Variants in CRIM1 observed in about 807,000 individuals in gnomAD.
CRIM1 encodes the protein cysteine rich transmembrane BMP regulator 1.
Under a neutral mutation model 116.4 loss-of-function variants are expected in CRIM1, and 32 were observed. That is an observed-to-expected ratio of 0.27 (90% CI 0.21 to 0.37). The LOEUF (loss-of-function observed/expected upper bound fraction) is 0.37. Among genes scored for constraint, CRIM1 ranks in the 10% least tolerant of loss-of-function variants. CRIM1 has a pLI of 1.00. For synonymous variants in CRIM1, 590 were observed against 509.2 expected (o/e 1.16, Z -2.13); for missense variants, 1,331 against 1,354.8 (o/e 0.98, Z 0.28).
At chr2:36,479,762 C>T (rs893097985) in intron 7 of CRIM1, 68 bp downstream of exon 7, 42 of 1,475,070 alleles carry the variant, frequency 2.8e-5, no homozygotes, top group Admixed American at 5.1e-5. Flanking sequence ...TACCAGCGTA[C>T]GTTCTTGTTT....
Position 36,441,566 on chromosome 2 carries a change from G to A in CRIM1, c.748+66G>A. 1.9e-6 allele frequency: 3 copies of A among 1,560,662 alleles called. No individual in the cohort carries two copies. The Admixed American group carries it at 5.2e-5, about 27-fold the overall frequency. On this transcript the variant is annotated intron_variant, in intron 3 of 16. Transcript: ENST00000280527. ...TCAGAGGGTAGCAGATCCCTCCTCA[G>A]CCACCCCTGGCCTCTCCTTTCACAC...
intron 1 of CRIM1, among the ~76,000 whole-genome samples, chr2:36,365,475 G>A (rs1046044054): frequency 3.9e-5 from 6 of 152,146 alleles, no homozygotes; most frequent in African/African-American, 1.4e-4. Context: ...GACCACTGCG[G>A]GCTTGGGAAT....
rs148456499 is a variant in CRIM1 at position 36,516,462 on chromosome 2, C to T, written c.1991-865C>T. 4.6e-3 allele frequency among the ~76,000 whole-genome samples: 704 copies of T among 152,332 alleles called. 8 individuals are homozygous for T. The highest frequency in any genetic ancestry group is 0.016 in the African/African-American group (678 of 41,580). On this transcript the variant is annotated intron_variant, in intron 11 of 16. Transcript: ENST00000280527. ...TTCAGGGCAACTCCCAGCCCCTCTT[C>T]AGACATTTTCAACATTAAATTCCCT...
At chr2:36,443,208 C>A (rs1434949152) in intron 4 of CRIM1, among the ~76,000 whole-genome samples, 1 of 152,162 alleles carries the variant, frequency 6.6e-6, no homozygotes, top group Non-Finnish European at 1.5e-5. Flanking sequence ...TTAATTCTTA[C>A]AATGCTTTCT....
intron 2 of CRIM1, among the ~76,000 whole-genome samples, chr2:36,401,755 C>T (rs1221919274): frequency 6.6e-6 from 1 of 152,184 alleles, no homozygotes; most frequent in Non-Finnish European, 1.5e-5. Context: ...AAGAATTAAT[C>T]AGAAATGTGA....
intron 12 of CRIM1, among the ~76,000 whole-genome samples, chr2:36,521,484 A>C (rs953785307): frequency 6.6e-6 from 1 of 152,176 alleles, no homozygotes; most frequent in Non-Finnish European, 1.5e-5. Flanking sequence ...ATAGAGGTCT[A>C]TTTTACATAT....
At chr2:36,505,851 A>G (rs1454446385) in intron 8 of CRIM1, among the ~76,000 whole-genome samples, 1 of 152,158 alleles carries the variant, frequency 6.6e-6, no homozygotes, top group Admixed American at 6.6e-5. Flanking sequence ...CAAACATTGT[A>G]AGGAGCACCT....
At chr2:36,526,857 T>C (rs145498727) in intron 13 of CRIM1, among the ~76,000 whole-genome samples, 155 of 152,346 alleles carry the variant, frequency 1.0e-3, no homozygotes, top group Admixed American at 2.6e-3. Flanking sequence ...TGCTGCATCA[T>C]ACCTGTTGAC....
rs371385044 is a variant in CRIM1 at position 36,476,707 on chromosome 2, T to C, written c.992-182T>C. 2.6e-5 allele frequency among the ~76,000 whole-genome samples: 4 copies of C among 152,362 alleles called. No individual in the cohort carries two copies. In the East Asian group the frequency reaches 5.8e-4, roughly 22 times the overall value. ...GTGTAAACTGGATAACAGTGTGTTTTATTTTATTTTGTTTTGCTTCACTTT... is the reference window on the plus strand; with the variant it reads ...GTGTAAACTGGATAACAGTGTGTTTCATTTTATTTTGTTTTGCTTCACTTT... On this transcript the variant is annotated intron_variant, in intron 5 of 16. Coordinates refer to ENST00000280527, the MANE Select transcript of CRIM1 (RefSeq NM_016441.3).
In CRIM1 at chr2:36,547,108, C is replaced by T. The variant is rs1254946580; in HGVS notation, c.2871C>T (p.Phe957=). The T allele has an allele frequency of 2.5e-6, 4 of 1,612,780 alleles. No individual in the cohort carries two copies. The highest frequency in any genetic ancestry group is 1.7e-4 in the Middle Eastern group (1 of 6,048). The part of the protein sequence containing the change: ...IIICLSIIIA[F]LFINQKKQWI... The stretch of plus-strand genomic sequence containing the variant: ...TATGCCTCTCTATTATAATAGCATT[C>T]CTATTCATCAATCAGAAGAAACAGT... Residue 957 remains phenylalanine (F), a synonymous_variant, in exon 16 of 17, where the codon TTC becomes TTT. Coordinates refer to ENST00000280527, the MANE Select transcript of CRIM1 (RefSeq NM_016441.3).
intron 4 of CRIM1, among the ~76,000 whole-genome samples, chr2:36,453,952 C>G (rs1676931121): frequency 6.6e-6 from 1 of 152,172 alleles, no homozygotes; most frequent in Non-Finnish European, 1.5e-5. Context: ...TAACACTAAT[C>G]CCACCTACCT....
In CRIM1 at chr2:36,428,842, A is replaced by G. The variant is rs148974116; in HGVS notation, c.506-12416A>G. Among the ~76,000 whole-genome samples, 1,144 of 152,308 alleles carry G rather than the reference A, an allele frequency of 7.5e-3. 6 individuals carry two copies. Among genetic ancestry groups the G allele is most frequent in the Non-Finnish European group, 7.2e-3 (489 of 68,016 alleles). On this transcript the variant is annotated intron_variant, in intron 2 of 16. Coordinates refer to ENST00000280527, the MANE Select transcript of CRIM1 (RefSeq NM_016441.3). ...GTTGCAGAAGTTTCTAATTGTCCCC[A>G]TATACATGTGTTCATTCTCCTCTTC...
At chr2:36,358,795 G>C (rs1669028636) in intron 1 of CRIM1, among the ~76,000 whole-genome samples, 1 of 152,020 alleles carries the variant, frequency 6.6e-6, no homozygotes. Context: ...GAAAACAGCA[G>C]TCAACTTGCA....
chr2:36,405,618 G>T (rs546901065), intron 2 of CRIM1, among the ~76,000 whole-genome samples: 76 of 152,294 alleles, frequency 5.0e-4, no homozygotes, highest in African/African-American at 1.6e-3. Context: ...GAGTAGAAAA[G>T]TTATAGAGTG....
intron 2 of CRIM1, among the ~76,000 whole-genome samples, chr2:36,423,851 A>G (rs1674255048): frequency 6.6e-6 from 1 of 152,214 alleles, no homozygotes; most frequent in East Asian, 1.9e-4. Context: ...AATACCTCTC[A>G]ACAAGTAAGT....
intron 2 of CRIM1, among the ~76,000 whole-genome samples, chr2:36,419,895 A>T (rs1673920232): frequency 6.6e-6 from 1 of 152,232 alleles, no homozygotes; most frequent in South Asian, 2.1e-4. Flanking sequence ...GTTTATAAAT[A>T]ATCCTAATTT....
intron 2 of CRIM1, among the ~76,000 whole-genome samples, chr2:36,406,586 A>T (rs1287901264): frequency 1.3e-5 from 2 of 151,504 alleles, no homozygotes. Context: ...AAACTTGATA[A>T]GTCTTACTAG....
intron 12 of CRIM1, among the ~76,000 whole-genome samples, chr2:36,519,786 G>A (rs933132298): frequency 2.0e-5 from 3 of 152,168 alleles, no homozygotes; most frequent in African/African-American, 4.8e-5. Context: ...GCACATCACT[G>A]CAAGTGAAGC....
chr2:36,393,746 C>T (rs900426546), intron 1 of CRIM1, among the ~76,000 whole-genome samples: 1 of 152,120 alleles, frequency 6.6e-6, no homozygotes, highest in Admixed American at 6.5e-5. Flanking sequence ...AGGAGGTATT[C>T]CAGGTGGACG....
Sources: gnomAD v4.1 joint callset for allele counts (sites outside exome capture counted in the v4.1 genomes callset) on GRCh38, gnomAD v4.1.1 for gene constraint, MANE v1.5 for transcripts, NCBI Gene and HGNC (gene_info 2026-07-23, HGNC 2026-07-21) for gene names.